DPP10: variants seen among roughly 807,000 people sequenced by gnomAD.
The protein encoded by DPP10 is inactive dipeptidyl peptidase 10.
Under a neutral mutation model 120.9 loss-of-function variants are expected in DPP10, and 33 were observed. That is an observed-to-expected ratio of 0.27 (90% confidence interval 0.21 to 0.37). The LOEUF is 0.37. Among genes scored for constraint, DPP10 ranks in the 10% least tolerant of loss-of-function variants. The pLI, the probability that DPP10 is intolerant of heterozygous loss-of-function variation, is 1.00. For synonymous variants in DPP10, 337 were observed against 326.1 expected (o/e 1.03, Z -0.36); for missense variants, 816 against 942.8 (o/e 0.87, Z 1.76).
chr2:114,557,102 A>T (rs1036034038), intron 1 of DPP10, among the ~76,000 whole-genome samples: 1 of 151,936 alleles, frequency 6.6e-6, no homozygotes, highest in African/African-American at 2.4e-5. Flanking sequence ...ATTATAGAAC[A>T]ATATGTAATC....
At chr2:114,554,092 T>C (rs2104892424) in intron 1 of DPP10, among the ~76,000 whole-genome samples, 1 of 152,338 alleles carries the variant, frequency 6.6e-6, no homozygotes, top group South Asian at 2.1e-4. Context: ...AGTGAATCCA[T>C]AATTGCTAAA....
intron 4 of DPP10, among the ~76,000 whole-genome samples, chr2:115,515,532 A>G (rs1036281399): frequency 3.3e-5 from 5 of 152,082 alleles, no homozygotes; most frequent in Non-Finnish European, 5.9e-5. Context: ...TAAGTCTTTC[A>G]TATTGGGACT....
At chr2:114,464,770 C>A (rs369214173) in intron 1 of DPP10, among the ~76,000 whole-genome samples, 18 of 152,062 alleles carry the variant, frequency 1.2e-4, no homozygotes, top group Non-Finnish European at 2.6e-4. Flanking sequence ...GAGTCTGAGG[C>A]GGGAGAATCG....
chr2:114,662,061 G>A (rs1038662894), intron 1 of DPP10, among the ~76,000 whole-genome samples: 2 of 151,602 alleles, frequency 1.3e-5, no homozygotes, highest in Admixed American at 6.6e-5. Context: ...GCCTCAGGTC[G>A]GCCGGCTGCC....
At chr2:115,413,663 C>T (rs2069133198) in intron 3 of DPP10, among the ~76,000 whole-genome samples, 1 of 152,188 alleles carries the variant, frequency 6.6e-6, no homozygotes, top group Admixed American at 6.5e-5. Flanking sequence ...GCAGCATCTG[C>T]TGCTTTATGA....
Position 114,938,044 on chromosome 2 carries a change from G to A in DPP10, c.61-371195G>A, listed in dbSNP as rs944936678. Among the ~76,000 whole-genome samples, 3 of 152,110 alleles carry A rather than the reference G, an allele frequency of 2.0e-5. 1 individual carries two copies. The highest frequency in any genetic ancestry group is 4.4e-5 in the Non-Finnish European group (3 of 68,024). ...AACATATACACATTTCAGACAAATT[G>A]GAAAACTGAAAAGTATAGGAAAGTA... On this transcript the variant is annotated intron_variant, in intron 1 of 25. Coordinates refer to ENST00000410059, the MANE Select transcript of DPP10 (RefSeq NM_020868.6).
intron 1 of DPP10, among the ~76,000 whole-genome samples, chr2:114,684,894 G>A (rs1699265502): frequency 6.6e-6 from 1 of 151,906 alleles, no homozygotes; most frequent in South Asian, 2.1e-4. Flanking sequence ...ATGCTACCTA[G>A]GGGAGACCAT....
At chr2:115,453,727 A>G (rs80239957) in intron 3 of DPP10, among the ~76,000 whole-genome samples, 158 of 151,694 alleles carry the variant, frequency 1.0e-3, no homozygotes, top group African/African-American at 3.7e-3. Flanking sequence ...ATCTTAAGAA[A>G]CTTAACAACA....
At chr2:115,049,973 T>C (rs1015426243) in intron 1 of DPP10, among the ~76,000 whole-genome samples, 3 of 152,160 alleles carry the variant, frequency 2.0e-5, no homozygotes, top group Non-Finnish European at 4.4e-5. Context: ...GTTATAATAA[T>C]TTTTTTAACC....
At chr2:115,543,175 G>C (rs957827926) in intron 5 of DPP10, among the ~76,000 whole-genome samples, 15 of 151,974 alleles carry the variant, frequency 9.9e-5, no homozygotes, top group Admixed American at 3.3e-4. Flanking sequence ...TCACAGTTGG[G>C]GTCCTCAGCC....
intron 1 of DPP10, among the ~76,000 whole-genome samples, chr2:115,071,887 AT>A (rs1199717232): frequency 6.6e-6 from 1 of 152,154 alleles, no homozygotes; most frequent in South Asian, 2.1e-4. Flanking sequence ...AAATACACAG[AT>A]AATTTCTTGG....
intron 1 of DPP10, among the ~76,000 whole-genome samples, chr2:115,247,941 T>G (rs894480544): frequency 2.0e-5 from 3 of 152,136 alleles, no homozygotes; most frequent in Non-Finnish European, 4.4e-5. Flanking sequence ...AGGTTTTCTG[T>G]CTCCAGGGAG....
At chr2:114,603,483 T>C (rs1050773326) in intron 1 of DPP10, among the ~76,000 whole-genome samples, 2 of 152,034 alleles carry the variant, frequency 1.3e-5, no homozygotes, top group Non-Finnish European at 2.9e-5. Flanking sequence ...TTCAGATATG[T>C]ATGTAAAACT....
chr2:115,646,052 T>A (rs2087220305), intron 5 of DPP10, among the ~76,000 whole-genome samples: 1 of 151,610 alleles, frequency 6.6e-6, no homozygotes. Flanking sequence ...TCACTTCCCA[T>A]CACACACACA....
chr2:115,780,054 T>C (rs1025961900), intron 15 of DPP10, among the ~76,000 whole-genome samples: 1 of 151,984 alleles, frequency 6.6e-6, no homozygotes, highest in African/African-American at 2.4e-5. Flanking sequence ...AAATCATGTT[T>C]CATTCCAAAA....
intron 1 of DPP10, among the ~76,000 whole-genome samples, chr2:114,604,524 A>G (rs1692635271): frequency 6.6e-6 from 1 of 152,054 alleles, no homozygotes; most frequent in Non-Finnish European, 1.5e-5. Context: ...CAAACCATGG[A>G]TGGCTTCCCT....
In DPP10 at chr2:114,680,412, C is replaced by A. The variant is rs551715873; in HGVS notation, c.60+237574C>A. Among the ~76,000 whole-genome samples the A allele has an allele frequency of 5.3e-5, 8 of 151,952 alleles. No homozygotes were observed. The East Asian group carries it at 1.6e-3, about 30-fold the overall frequency. On this transcript the variant is annotated intron_variant, in intron 1 of 25. Coordinates refer to ENST00000410059, the MANE Select transcript of DPP10 (RefSeq NM_020868.6). Reference sequence around the variant, plus strand: ...TTTTAAGAGCTTTGAGAGTAGATGGCAATAATAGGTTCTCTCACCACTCTG... The same window carrying A: ...TTTTAAGAGCTTTGAGAGTAGATGGAAATAATAGGTTCTCTCACCACTCTG...
intron 7 of DPP10, among the ~76,000 whole-genome samples, chr2:115,712,843 A>G (rs2092375956): frequency 6.6e-6 from 1 of 151,814 alleles, no homozygotes; most frequent in South Asian, 2.1e-4. Context: ...TGCAGGTTGC[A>G]TGTAAGTATT....
At chr2:115,563,157 C>T (rs1345159249) in intron 5 of DPP10, among the ~76,000 whole-genome samples, 2 of 152,166 alleles carry the variant, frequency 1.3e-5, no homozygotes, top group Non-Finnish European at 2.9e-5. Flanking sequence ...GCCAAGTGCA[C>T]TGTGACATTA....
Sources: allele counts gnomAD v4.1 joint callset (sites outside exome capture counted in the v4.1 genomes callset), GRCh38; gene constraint gnomAD v4.1.1; transcripts MANE v1.5; gene names NCBI Gene and HGNC (gene_info 2026-07-23, HGNC 2026-07-21).